Variants in LARP4B observed in about 807,000 individuals in gnomAD.
LARP4B encodes La ribonucleoprotein 4B, also known as la-related protein 4B.
LARP4B carries 12 observed loss-of-function variants against 89.8 expected under a neutral mutation model. The ratio of observed to expected loss-of-function variants is 0.13; its 90% confidence interval spans 0.09 to 0.22. The LOEUF (loss-of-function observed/expected upper bound fraction) is 0.22. Among genes scored for constraint, LARP4B ranks in the 10% least tolerant of loss-of-function variants. The pLI, the probability that LARP4B is intolerant of heterozygous loss-of-function variation, is 1.00. For synonymous variants in LARP4B, 367 were observed against 363.3 expected (o/e 1.01, Z -0.12); for missense variants, 757 against 947.7 (o/e 0.80, Z 2.64).
chr10:960,469 G>T, the LARP4B span, among the ~76,000 whole-genome samples: 1 of 152,066 alleles, frequency 6.6e-6, no homozygotes, highest in African/African-American at 2.4e-5. Context: ...CACTTTGGGA[G>T]GCCAAGGAGG....
At chr10:951,347 G>A in the LARP4B span, among the ~76,000 whole-genome samples, 5 of 151,970 alleles carry the variant, frequency 3.3e-5, no homozygotes, top group African/African-American at 7.3e-5. Context: ...TCAGGAGTTC[G>A]AGACCAGCCT....
chr10:810,159 A>T lies in LARP4B; in HGVS notation c.*2767T>A, dbSNP rs1340004568. 1.3e-5 allele frequency: 2 copies of T among 152,056 alleles called. No homozygotes were observed. The highest frequency in any genetic ancestry group is 2.4e-5 in the African/African-American group (1 of 41,378). The allele number at this position is 152,056 out of a possible 1,614,324, so 9.4% of individuals were successfully genotyped here. ...TATAACCTGAGATACTGCTGGGGGT[A>T]AAGGAGGGTGTTAACTTAAAAAAAA... On this transcript the variant is annotated 3_prime_UTR_variant, in exon 18 of 18. Coordinates refer to ENST00000316157, the MANE Select transcript of LARP4B (RefSeq NM_015155.3).
intron 3 of LARP4B, among the ~76,000 whole-genome samples, chr10:875,440 C>G (rs1835417828): frequency 6.6e-6 from 1 of 152,208 alleles, no homozygotes; most frequent in East Asian, 1.9e-4. Context: ...CCGACCTCTT[C>G]TATCTCATAC....
chr10:814,771 T>C lies in LARP4B; in HGVS notation c.1900A>G (p.Lys634Glu). Residue 634 changes from lysine (K) to glutamate (E), a missense_variant, in exon 17 of 18, where the codon AAA becomes GAA. Transcript: ENST00000316157. This position sits in a 1 kb window ranked among gnomAD's most constrained non-coding sequence, Gnocchi z 4.4. Reference protein sequence around the residue: ...LPSALTATACKSVQVNGAATE... With the variant: ...LPSALTATACESVQVNGAATE... ...GCGGCTCCGTTCACCTGCACCGATT[T>C]ACACGCGGTCGCAGTGAGGGCGGAA... is the stretch of plus-strand genomic sequence containing the variant. 2 of 1,602,856 alleles carry C rather than the reference T, an allele frequency of 1.2e-6. No homozygotes were observed. Among genetic ancestry groups the C allele is most frequent in the Non-Finnish European group, 1.7e-6 (2 of 1,174,188 alleles).
At chr10:846,203 T>A (rs983222803) in intron 5 of LARP4B, among the ~76,000 whole-genome samples, 5 of 152,226 alleles carry the variant, frequency 3.3e-5, no homozygotes, top group Non-Finnish European at 7.3e-5. Flanking sequence ...TACTAAATAT[T>A]TCCAAGTGCC....
chr10:945,522 T>TA, the LARP4B span, among the ~76,000 whole-genome samples: 1 of 128,594 alleles, frequency 7.8e-6, no homozygotes, highest in East Asian at 2.0e-4. Context: ...CCGTCTCTAC[T>TA]AAAAATACAA....
chr10:936,934 T>C, the LARP4B span, among the ~76,000 whole-genome samples: 1 of 152,192 alleles, frequency 6.6e-6, no homozygotes. Flanking sequence ...CTTTTACAGA[T>C]ACTAAGAAAT....
chr10:975,335 A>C, the LARP4B span, among the ~76,000 whole-genome samples: 1 of 152,110 alleles, frequency 6.6e-6, no homozygotes, highest in Non-Finnish European at 1.5e-5. Flanking sequence ...TGTTTTATTT[A>C]CTAATGTCCC....
chr10:968,840 A>G, the LARP4B span, among the ~76,000 whole-genome samples: 2 of 152,376 alleles, frequency 1.3e-5, no homozygotes, highest in African/African-American at 4.8e-5. Context: ...GGAAAGGGCT[A>G]GAAAGAGAAT....
Position 820,835 on chromosome 10 carries a change from A to C in LARP4B, c.1495T>G (p.Phe499Val). ...TCCTCCCTTTTCTTCCGGTAGCCAA[A>C]GGAATTCTTCCTAGAGGAGTGGAAA... is the stretch of plus-strand genomic sequence containing the variant. Reference protein sequence around the residue: ...PGLGRGRKNSFGYRKKREEKF... With the variant: ...PGLGRGRKNSVGYRKKREEKF... The change falls in exon 14 of 18, where the codon TTT becomes GTT. Residue 499 changes from phenylalanine (F) to valine (V), a missense_variant. This residue lies in a region of LARP4B where 387 missense variants were observed against 423.6 expected (regional missense o/e 0.91). Coordinates refer to ENST00000316157, the MANE Select transcript of LARP4B (RefSeq NM_015155.3). 1 of 1,613,880 alleles carries C rather than the reference A, an allele frequency of 6.2e-7. No individual in the cohort carries two copies. The highest frequency in any genetic ancestry group is 8.5e-7 in the Non-Finnish European group (1 of 1,179,822).
chr10:966,074 G>GTT, the LARP4B span, among the ~76,000 whole-genome samples: 1 of 121,144 alleles, frequency 8.3e-6, no homozygotes. Flanking sequence ...GTGTGTGTGT[G>GTT]TGTGTGTGTG....
chr10:858,229 C>T (rs942147803), intron 5 of LARP4B, among the ~76,000 whole-genome samples: 1 of 152,152 alleles, frequency 6.6e-6, no homozygotes, highest in South Asian at 2.1e-4. Flanking sequence ...AAGAGAGGGC[C>T]GAGAAAGAAA....
the LARP4B span, among the ~76,000 whole-genome samples, chr10:978,730 T>C: frequency 4.6e-5 from 7 of 152,244 alleles, no homozygotes; most frequent in African/African-American, 1.4e-4. Flanking sequence ...ATATTACTAT[T>C]GTTTTTTATG....
chr10:894,314 G>A (rs1442321687), intron 1 of LARP4B, among the ~76,000 whole-genome samples: 3 of 152,134 alleles, frequency 2.0e-5, no homozygotes, highest in Admixed American at 6.5e-5. Flanking sequence ...GAATTCTAGG[G>A]AAATACATGT....
chr10:811,685 C>G lies in LARP4B; in HGVS notation c.*1241G>C, dbSNP rs1323193463. 1.3e-5 allele frequency: 2 copies of G among 152,504 alleles called. No homozygotes were observed. Among genetic ancestry groups the G allele is most frequent in the African/African-American group, 4.8e-5 (2 of 41,398 alleles). 9.4% of individuals were successfully genotyped at this position (152,504 alleles called of 1,614,324 possible). A position where few individuals can be genotyped will look rare whatever the true frequency, so the allele number is the denominator to read the frequency against. On this transcript the variant is annotated 3_prime_UTR_variant, in exon 18 of 18. Coordinates refer to ENST00000316157, the MANE Select transcript of LARP4B (RefSeq NM_015155.3). ...AAATAATTTTTTCTTAAAAAAAACCCTCAGTCTTGTTAAATAACATTTTGT... is the reference window on the plus strand; with the variant it reads ...AAATAATTTTTTCTTAAAAAAAACCGTCAGTCTTGTTAAATAACATTTTGT...
In LARP4B at chr10:812,998, GC is replaced by G. The variant is rs746716816; in HGVS notation, c.2144del (p.Gly715AlafsTer38). On this transcript the variant is annotated frameshift_variant, in exon 18 of 18. Transcript: ENST00000316157. LOFTEE classifies it high-confidence loss of function. Reference sequence around the variant, plus strand: ...TCCCCATGGCCGAGGGCGAGGGCCGGCCCCCCGCCGGCCGCCTCTGGTCTCT... The same window carrying G: ...TCCCCATGGCCGAGGGCGAGGGCCGGCCCCCGCCGGCCGCCTCTGGTCTCT... ...APRDQRRPAGGRPSPSAMGKR... is the reference protein window; with the variant it reads ...APRDQRRPAGXRPSPSAMGKR... 4.4e-6 allele frequency: 7 copies of G among 1,590,970 alleles called. No individual in the cohort carries two copies. Among genetic ancestry groups the G allele is most frequent in the Non-Finnish European group, 4.3e-6 (5 of 1,174,470 alleles).
At chr10:894,347 A>G (rs1450765256) in intron 1 of LARP4B, among the ~76,000 whole-genome samples, 1 of 152,224 alleles carries the variant, frequency 6.6e-6, no homozygotes, top group Non-Finnish European at 1.5e-5. Flanking sequence ...GCACAAAGCC[A>G]TCATCTAAAT....
chr10:844,292 G>A (rs72778206), intron 6 of LARP4B, among the ~76,000 whole-genome samples: 3 of 152,184 alleles, frequency 2.0e-5, no homozygotes, highest in East Asian at 1.9e-4. Context: ...GTCATGGTGC[G>A]GTATTCTCAG....
intron 1 of LARP4B, among the ~76,000 whole-genome samples, chr10:902,191 C>T (rs980517762): frequency 2.0e-5 from 3 of 152,106 alleles, no homozygotes; most frequent in African/African-American, 7.2e-5. Context: ...AACCCTCTGG[C>T]TAGGAGAGCA....
Sources: allele counts gnomAD v4.1 joint callset (sites outside exome capture counted in the v4.1 genomes callset), GRCh38; gene constraint gnomAD v4.1.1; regional missense constraint gnomAD v4.1.1; non-coding constraint Gnocchi (gnomAD v3.1); transcripts MANE v1.5; gene names NCBI Gene and HGNC (gene_info 2026-07-23, HGNC 2026-07-21).